The following NCOR2 variants were observed in gnomAD, a reference collection of about 807,000 sequenced individuals.
The protein encoded by NCOR2 is nuclear receptor corepressor 2, also known as CTG repeat protein 26.
In NCOR2, 81 loss-of-function variants were observed where a neutral mutation model predicts 262.9. The ratio of observed to expected loss-of-function variants is 0.31; its 90% CI spans 0.26 to 0.37. The LOEUF (loss-of-function observed/expected upper bound fraction) is 0.37. NCOR2 is among the 10% of genes least tolerant of loss of function. The pLI is 1.00. For synonymous variants in NCOR2, 1,659 were observed against 1,559.3 expected (o/e 1.06, Z -1.51); for missense variants, 3,385 against 3,621.4 (o/e 0.93, Z 1.68).
Position 124,503,174 on chromosome 12 carries a change from A to T in NCOR2, c.-117-7806T>A, listed in dbSNP as rs1281154390. ...CTGACCCATTCTCATCAATTAGAGA[A>T]TTATTTCAGCATCTGTTATGTGCAA... On this transcript the variant is annotated intron_variant, in intron 1 of 46. Coordinates refer to the NCOR2 transcript ENST00000404621. The surrounding 1 kb of genome is among the most constrained non-coding windows in gnomAD (Gnocchi z 4.3). Among the ~76,000 whole-genome samples the T allele has an allele frequency of 2.6e-5, 4 of 152,252 alleles. No homozygotes were observed. Among genetic ancestry groups the T allele is most frequent in the Non-Finnish European group, 4.4e-5 (3 of 68,052 alleles).
chr12:124,385,186 C>T (rs1385984079), intron 17 of NCOR2, among the ~76,000 whole-genome samples: 1 of 152,206 alleles, frequency 6.6e-6, no homozygotes, highest in African/African-American at 2.4e-5. Flanking sequence ...CCTGCACCTT[C>T]TGTGCTTGTG....
At chr12:124,364,151 G>C (rs2038833089) in intron 20 of NCOR2, among the ~76,000 whole-genome samples, 1 of 152,204 alleles carries the variant, frequency 6.6e-6, no homozygotes, top group African/African-American at 2.4e-5. Flanking sequence ...CATCCCCAAA[G>C]ACATCTCCAG....
chr12:124,388,536 G>T, intron 16 of NCOR2: 1 of 787,526 alleles, frequency 1.3e-6, no homozygotes. Flanking sequence ...GAGGGCATGG[G>T]GGAAAGGATG....
At chr12:124,334,249 T>C in intron 41 of NCOR2, 175 bp downstream of exon 43, 1 of 527,102 alleles carries the variant, frequency 1.9e-6, no homozygotes. Context: ...CAGCTATTAT[T>C]CGTTATGTAT....
At chr12:124,372,452 G>C in exon 20 of NCOR2, 1 of 1,547,590 alleles carries the variant, frequency 6.5e-7, no homozygotes, top group Non-Finnish European at 8.6e-7. Flanking sequence ...GGCTCAGTGG[G>C]GGCCGGGATG....
chr12:124,384,766 C>A (rs1225088343), intron 17 of NCOR2, among the ~76,000 whole-genome samples: 1 of 151,992 alleles, frequency 6.6e-6, no homozygotes, highest in Non-Finnish European at 1.5e-5. Context: ...ACTGCACACA[C>A]TTTACACCCA....
chr12:124,447,832 G>A (rs1317644837), intron 7 of NCOR2, among the ~76,000 whole-genome samples: 2 of 151,880 alleles, frequency 1.3e-5, no homozygotes, highest in Non-Finnish European at 2.9e-5. Flanking sequence ...GAGTACCTGG[G>A]ACCACAGGCA....
chr12:124,538,897 A>T (rs531927819), upstream of NCOR2: 1 of 152,396 alleles, frequency 6.6e-6, no homozygotes, highest in East Asian at 1.9e-4. Context: ...GGGCACAGCC[A>T]TCCCGTGTCC....
At chr12:124,464,237 C>T (rs2046320001) in intron 5 of NCOR2, among the ~76,000 whole-genome samples, 1 of 152,142 alleles carries the variant, frequency 6.6e-6, no homozygotes, top group Non-Finnish European at 1.5e-5. Context: ...AGGGAAGTGA[C>T]AGTATGAGCC....
chr12:124,499,452 T>G (rs2048566782), upstream of NCOR2, among the ~76,000 whole-genome samples: 1 of 152,062 alleles, frequency 6.6e-6, no homozygotes. Context: ...TGCCCAGCCC[T>G]GGGGAGAGCC....
Position 124,483,217 on chromosome 12 carries a change from G to A in NCOR2, c.411+379C>T, listed in dbSNP as rs2047592453. On this transcript the variant is annotated intron_variant, in intron 3 of 46. Coordinates refer to ENST00000405201, the Ensembl canonical transcript of NCOR2. This position sits in a 1 kb window ranked among gnomAD's most constrained non-coding sequence, Gnocchi z 6.3. ...CAGAATGTGCTGAAAGCTGCCCACC[G>A]ACCACAGGACGGTCCTGACCCCCAT... Among the ~76,000 whole-genome samples the A allele has an allele frequency of 6.6e-6, 1 of 151,908 alleles. No individual in the cohort carries two copies. Among genetic ancestry groups the A allele is most frequent in the Admixed American group, 6.5e-5 (1 of 15,272 alleles).
chr12:124,514,989 C>A (rs1042620290), intron 1 of NCOR2, among the ~76,000 whole-genome samples: 15 of 152,102 alleles, frequency 9.9e-5, no homozygotes, highest in Non-Finnish European at 2.1e-4. Context: ...CCACGGGACA[C>A]AAGCCTCCAC....
exon 47 of NCOR2, chr12:124,325,385 C>CT (rs2034537548): frequency 5.6e-6 from 3 of 539,438 alleles, no homozygotes; most frequent in South Asian, 1.2e-4. Flanking sequence ...CCGCCCCCCC[C>CT]CCCGCCCTGT....
chr12:124,447,894 G>C (rs1309931712), intron 7 of NCOR2, among the ~76,000 whole-genome samples: 2 of 152,080 alleles, frequency 1.3e-5, no homozygotes, highest in Admixed American at 1.3e-4. Context: ...TGTTTGGCCA[G>C]GCTGGTCTTG....
At chr12:124,362,258 C>G in exon 22 of NCOR2, 8 of 1,314,848 alleles carry the variant, frequency 6.1e-6, no homozygotes, top group Non-Finnish European at 6.8e-6. Context: ...TTGGTGGGAG[C>G]TGCGTCCTCC....
chr12:124,357,145 C>T (rs1372828805), intron 22 of NCOR2, among the ~76,000 whole-genome samples: 2 of 152,208 alleles, frequency 1.3e-5, no homozygotes, highest in Non-Finnish European at 2.9e-5. Context: ...CTCAGAGGGT[C>T]TGTCTGCCCC....
chr12:124,544,163 A>G (rs1398900676), intron 1 of NCOR2, among the ~76,000 whole-genome samples: 1 of 152,306 alleles, frequency 6.6e-6, no homozygotes, highest in East Asian at 1.9e-4. Flanking sequence ...ATGAGATGGA[A>G]GCTTCGGGAA....
In NCOR2 at chr12:124,554,679, G is replaced by A. The variant is rs115599353; in HGVS notation, c.-165+12629C>T. On this transcript the variant is annotated intron_variant, in intron 1 of 32. Transcript: ENST00000458234. ...AAACCAGAGAGCACACACCCGATGC[G>A]CAGCACGCTTCCACCTTCCACGTTC... 4.8e-3 allele frequency among the ~76,000 whole-genome samples: 725 copies of A among 152,366 alleles called. 8 individuals carry two copies. The highest frequency in any genetic ancestry group is 0.016 in the African/African-American group (685 of 41,584).
At chr12:124,560,728 G>C (rs1037783226) in intron 1 of NCOR2, among the ~76,000 whole-genome samples, 1 of 152,220 alleles carries the variant, frequency 6.6e-6, no homozygotes, top group Non-Finnish European at 1.5e-5. Flanking sequence ...AGCTGTGACT[G>C]CCTCGGGGAA....
Sources: gnomAD v4.1 joint callset for allele counts (sites outside exome capture counted in the v4.1 genomes callset) on GRCh38, gnomAD v4.1.1 for gene constraint, Gnocchi (gnomAD v3.1) non-coding constraint, MANE v1.5 for transcripts, NCBI Gene and HGNC (gene_info 2026-07-23, HGNC 2026-07-21) for gene names.